Variants in TPRG1 observed in about 807,000 individuals in gnomAD.
TPRG1 encodes the protein tumor protein p63 regulated 1.
A neutral mutation model predicts 29.3 loss-of-function variants in TPRG1; 29 were observed. The observed-to-expected ratio is 0.99, with a 90% CI of 0.74 to 1.35. The LOEUF is 1.35. TPRG1 is among the 40% of genes most tolerant of loss of function. TPRG1 has a pLI of 0.00. For synonymous variants in TPRG1, 130 were observed against 116.8 expected, an observed-to-expected ratio of 1.11 and a Z score of -0.73; for missense variants, 327 against 335.0, an observed-to-expected ratio of 0.98 and a Z score of 0.19.
chr3:189,156,621 G>A (rs1033084132), intron 5 of TPRG1, among the ~76,000 whole-genome samples: 6 of 152,144 alleles, frequency 3.9e-5, no homozygotes, highest in African/African-American at 1.4e-4. Flanking sequence ...TATGCTAAGA[G>A]GATAAACCAG....
intron 1 of TPRG1, among the ~76,000 whole-genome samples, chr3:189,196,902 T>A (rs572072329): frequency 2.6e-5 from 4 of 152,336 alleles, no homozygotes; most frequent in African/African-American, 9.6e-5. Context: ...TTTCCATGAA[T>A]TTTATAAAAT....
intron 4 of TPRG1, chr3:189,310,178 G>A: frequency 2.8e-6 from 1 of 359,856 alleles, no homozygotes; most frequent in South Asian, 6.0e-5. Context: ...ACATTTCCAA[G>A]TAGGTGTTTC....
chr3:189,129,106 C>T (rs1372440539), intron 2 of TPRG1, among the ~76,000 whole-genome samples: 1 of 152,156 alleles, frequency 6.6e-6, no homozygotes, highest in Non-Finnish European at 1.5e-5. Context: ...AAAGTATGGA[C>T]TTTATACATA....
At chr3:189,152,727 A>G (rs1278134702) in intron 5 of TPRG1, among the ~76,000 whole-genome samples, 1 of 151,726 alleles carries the variant, frequency 6.6e-6, no homozygotes, top group African/African-American at 2.4e-5. Context: ...ATTAAAAAGT[A>G]GGATTGCTAC....
chr3:189,225,300 C>T (rs1737562988), intron 3 of TPRG1, among the ~76,000 whole-genome samples: 1 of 152,146 alleles, frequency 6.6e-6, no homozygotes, highest in Non-Finnish European at 1.5e-5. Context: ...GTTATTTATA[C>T]CAAGGTAATA....
At chr3:189,193,324 G>A (rs1732007574) in intron 1 of TPRG1, among the ~76,000 whole-genome samples, 1 of 151,686 alleles carries the variant, frequency 6.6e-6, no homozygotes, top group Non-Finnish European at 1.5e-5. Flanking sequence ...TTGTGGAATT[G>A]GAGCCTTGTT....
intron 4 of TPRG1, among the ~76,000 whole-genome samples, chr3:189,262,129 T>A (rs1315890944): frequency 6.6e-6 from 1 of 152,074 alleles, no homozygotes; most frequent in Non-Finnish European, 1.5e-5. Context: ...TCTGTCATAG[T>A]AGAGTTGGGA....
intron 3 of TPRG1, among the ~76,000 whole-genome samples, chr3:189,138,268 C>T (rs1216453545): frequency 6.6e-6 from 1 of 152,124 alleles, no homozygotes; most frequent in Non-Finnish European, 1.5e-5. Context: ...TGTGAAAGAG[C>T]ATGGTGTTTT....
At chr3:189,187,225 C>T (rs977644508) in intron 1 of TPRG1, among the ~76,000 whole-genome samples, 16 of 151,996 alleles carry the variant, frequency 1.1e-4, no homozygotes, top group African/African-American at 2.4e-4. Flanking sequence ...TGGGCTCCAG[C>T]GAGCCTCCTA....
At chr3:189,228,834 A>G (rs745452843) in intron 3 of TPRG1, among the ~76,000 whole-genome samples, 5 of 152,194 alleles carry the variant, frequency 3.3e-5, no homozygotes, top group Non-Finnish European at 5.9e-5. Context: ...AACTATCTCT[A>G]TTTGTATATG....
chr3:189,296,117 T>C (rs182923039), intron 4 of TPRG1, among the ~76,000 whole-genome samples: 1 of 152,330 alleles, frequency 6.6e-6, no homozygotes, highest in African/African-American at 2.4e-5. Flanking sequence ...CAATTTATTT[T>C]GCTTTTGCCT....
intron 4 of TPRG1, among the ~76,000 whole-genome samples, chr3:189,294,998 C>T (rs1485677834): frequency 6.6e-6 from 1 of 152,224 alleles, no homozygotes; most frequent in Non-Finnish European, 1.5e-5. Context: ...TAATTATTTA[C>T]CTCACCTACG....
At chr3:189,107,981 C>T (rs2378469) in intron 1 of TPRG1, among the ~76,000 whole-genome samples, 52,385 of 151,830 alleles carry the variant, frequency 0.35, 10,540 homozygotes, top group African/African-American at 0.53. Flanking sequence ...CCGTTTAAAC[C>T]AACTCTTTGA....
chr3:189,160,634 C>A (rs1334187800), intron 5 of TPRG1, among the ~76,000 whole-genome samples: 1 of 152,100 alleles, frequency 6.6e-6, no homozygotes, highest in Non-Finnish European at 1.5e-5. Flanking sequence ...GAGACGGGGA[C>A]TAGGCTTGGT....
intron 3 of TPRG1, among the ~76,000 whole-genome samples, chr3:189,017,558 C>T (rs1013023680): frequency 6.6e-6 from 1 of 152,156 alleles, no homozygotes; most frequent in African/African-American, 2.4e-5. Context: ...AGGACATGAA[C>T]TCATCATTTT....
At chr3:189,223,573 A>T (rs1737252021) in intron 3 of TPRG1, among the ~76,000 whole-genome samples, 1 of 152,186 alleles carries the variant, frequency 6.6e-6, no homozygotes, top group Non-Finnish European at 1.5e-5. Flanking sequence ...ACAGTCACAA[A>T]TGTACTTGGA....
At chr3:189,174,736 C>T in intron 1 of TPRG1, among the ~76,000 whole-genome samples, 1 of 152,184 alleles carries the variant, frequency 6.6e-6, no homozygotes. Context: ...GCTATCAAAA[C>T]TCAGTGACTT....
chr3:189,079,008 T>C (rs754285393), intron 4 of TPRG1, among the ~76,000 whole-genome samples: 21 of 152,176 alleles, frequency 1.4e-4, no homozygotes, highest in Non-Finnish European at 7.3e-5. Flanking sequence ...ATTGGGCTCA[T>C]GGTTCTGCAG....
rs768092072 is a variant in TPRG1, at chr3:189,207,450, A to G, written c.66A>G (p.Gln22=). 24 of 1,613,962 alleles carry G rather than the reference A, an allele frequency of 1.5e-5. No homozygotes were observed. The highest frequency in any genetic ancestry group is 1.3e-4 in the African/African-American group (10 of 74,996). The change falls in exon 2 of 6, where the codon CAA becomes CAG. Residue 22 remains glutamine, a synonymous_variant. Coordinates refer to ENST00000345063, the MANE Select transcript of TPRG1 (RefSeq NM_198485.4). The part of the protein sequence containing the change: ...AVSLKQEGDD[Q]PSETDHLSME... Reference sequence around the variant, plus strand: ...CTCTGAAGCAAGAGGGAGATGACCAACCCTCTGAGACTGACCACCTATCGA... The same window carrying G: ...CTCTGAAGCAAGAGGGAGATGACCAGCCCTCTGAGACTGACCACCTATCGA...
Sources: allele counts gnomAD v4.1 joint callset (sites outside exome capture counted in the v4.1 genomes callset), GRCh38; gene constraint gnomAD v4.1.1; transcripts MANE v1.5; gene names NCBI Gene and HGNC (gene_info 2026-07-23, HGNC 2026-07-21).